The following GPR158 variants were observed in gnomAD, a reference collection of about 807,000 sequenced individuals.
GPR158 encodes metabotropic glycine receptor.
In GPR158, 30 loss-of-function variants were observed where a neutral mutation model predicts 78.2. That is an observed-to-expected ratio of 0.38 (90% CI 0.29 to 0.52). The LOEUF is 0.52. GPR158 is among the 20% of genes least tolerant of loss of function. GPR158 has a pLI of 0.83. For missense variants in GPR158, 1,463 were observed against 1,523.5 expected, an observed-to-expected ratio of 0.96 and a Z score of 0.66; for synonymous variants, 581 against 591.1, an observed-to-expected ratio of 0.98 and a Z score of 0.25.
intron 2 of GPR158, among the ~76,000 whole-genome samples, chr10:25,307,013 A>G (rs757586312): frequency 1.3e-4 from 17 of 129,528 alleles, no homozygotes; most frequent in Non-Finnish European, 2.6e-4. Context: ...GCACACACAC[A>G]TACAGAGAGA....
rs1837437613 is a variant in GPR158, at chr10:25,598,201, CA to C, written c.2580del (p.Lys860AsnfsTer2). ...LESLSGKKLT[Q>X]KLKEDSEAES... Reference sequence around the variant, plus strand: ...ATCCCTGTCGGGTAAAAAACTAACACAAAAACTAAAAGAAGACAGCGAGGCT... The same window carrying C: ...ATCCCTGTCGGGTAAAAAACTAACACAAAACTAAAAGAAGACAGCGAGGCT... On this transcript the variant is annotated frameshift_variant, in exon 11 of 11. Coordinates refer to ENST00000376351, the MANE Select transcript of GPR158 (RefSeq NM_020752.3). LOFTEE classifies it low-confidence loss of function (END_TRUNC). The C allele has an allele frequency of 6.2e-7, 1 of 1,614,006 alleles. No homozygotes were observed. The highest frequency in any genetic ancestry group is 8.5e-7 in the Non-Finnish European group (1 of 1,180,026).
At position 25,409,383 on chromosome 10, in the gene GPR158, C is replaced by T. The variant is rs12246747; in HGVS notation, c.1112-2867C>T. Among the ~76,000 whole-genome samples the T allele has an allele frequency of 7.9e-3, 1,209 of 152,270 alleles. 16 individuals are homozygous for T. The highest frequency in any genetic ancestry group is 0.028 in the African/African-American group (1,164 of 41,554). On this transcript the variant is annotated intron_variant, in intron 3 of 10. Transcript: ENST00000376351. ...CTGGATTATTTTTCTGCCAAGTGAT[C>T]TGACAAATCATCTTGTATTATATTT...
chr10:25,557,427 T>A (rs992484611), intron 6 of GPR158, among the ~76,000 whole-genome samples: 1 of 152,152 alleles, frequency 6.6e-6, no homozygotes, highest in Non-Finnish European at 1.5e-5. Context: ...CCAGAAACCA[T>A]GAAAACAAGC....
intron 2 of GPR158, among the ~76,000 whole-genome samples, chr10:25,347,221 A>G (rs1260887431): frequency 1.3e-5 from 2 of 151,590 alleles, no homozygotes; most frequent in East Asian, 1.9e-4. Context: ...GCTTCTGGAG[A>G]CCTCCTGTAT....
intron 2 of GPR158, among the ~76,000 whole-genome samples, chr10:25,383,825 G>A (rs2130568886): frequency 6.6e-6 from 1 of 152,284 alleles, no homozygotes. Flanking sequence ...CCTCATTTAT[G>A]GAATACTTCT....
intron 5 of GPR158, among the ~76,000 whole-genome samples, chr10:25,530,602 A>G (rs1353342493): frequency 3.3e-5 from 5 of 152,226 alleles, no homozygotes; most frequent in Non-Finnish European, 7.3e-5. Context: ...GACATGTAAA[A>G]CAAACAAAGC....
rs1041634900 is a variant in GPR158 at position 25,224,493 on chromosome 10, A to T, written c.1008+3336A>T. On this transcript the variant is annotated intron_variant, in intron 2 of 10. Transcript: ENST00000376351. ...ATGAAATAATATTTTAATATAAATT[A>T]TATTACTTTGTTAAAAGAATTATAT... 2.0e-5 allele frequency among the ~76,000 whole-genome samples: 3 copies of T among 151,568 alleles called. 1 individual carries two copies. Among genetic ancestry groups the T allele is most frequent in the African/African-American group, 7.3e-5 (3 of 41,372 alleles).
At chr10:25,463,190 C>A (rs1365743858) in intron 4 of GPR158, among the ~76,000 whole-genome samples, 2 of 152,206 alleles carry the variant, frequency 1.3e-5, no homozygotes, top group African/African-American at 4.8e-5. Flanking sequence ...TGATTATTAG[C>A]ATTTTTTAGC....
At chr10:25,200,461 G>C (rs1852906872) in intron 1 of GPR158, among the ~76,000 whole-genome samples, 1 of 152,022 alleles carries the variant, frequency 6.6e-6, no homozygotes, top group Non-Finnish European at 1.5e-5. Context: ...CCCATTCTGT[G>C]GGGTGTCTGT....
rs112678473 is a variant in GPR158 at position 25,308,930 on chromosome 10, A to G, written c.1009-86981A>G. Among the ~76,000 whole-genome samples the G allele has an allele frequency of 8.4e-3, 1,278 of 152,288 alleles. 13 individuals are homozygous for G. The highest frequency in any genetic ancestry group is 0.014 in the Non-Finnish European group (919 of 68,026). Reference sequence around the variant, plus strand: ...TAATATTCCATTATATGTATATGCCACATTTTTGCTCATTTGTTATCTGTT... The same window carrying G: ...TAATATTCCATTATATGTATATGCCGCATTTTTGCTCATTTGTTATCTGTT... On this transcript the variant is annotated intron_variant, in intron 2 of 10. Transcript: ENST00000376351.
At chr10:25,336,828 A>C (rs1201331658) in intron 2 of GPR158, among the ~76,000 whole-genome samples, 1 of 152,114 alleles carries the variant, frequency 6.6e-6, no homozygotes, top group Non-Finnish European at 1.5e-5. Flanking sequence ...GCAATTAATT[A>C]ACCAACCTTG....
chr10:25,521,671 G>T (rs1836277053), intron 5 of GPR158, among the ~76,000 whole-genome samples: 1 of 152,172 alleles, frequency 6.6e-6, no homozygotes, highest in Non-Finnish European at 1.5e-5. Context: ...TCAGAGGGAA[G>T]ATCTGGGGTG....
intron 1 of GPR158, among the ~76,000 whole-genome samples, chr10:25,185,657 A>G (rs1852673971): frequency 6.6e-6 from 1 of 152,172 alleles, no homozygotes; most frequent in African/African-American, 2.4e-5. Flanking sequence ...CCCCGTCTGT[A>G]CTAAAAATAC....
rs953812280 is a variant in GPR158, at chr10:25,252,101, C to T, written c.1008+30944C>T. Among the ~76,000 whole-genome samples the T allele has an allele frequency of 3.9e-3, 588 of 151,986 alleles. 1 individual carries two copies. The highest frequency in any genetic ancestry group is 6.8e-3 in the Middle Eastern group (2 of 294). ...GCTGACACCCTTTCTTCCAGTTGAT[C>T]GCATCAGCTCCTGAGGCTTCTGCAT... is the stretch of plus-strand genomic sequence containing the variant. On this transcript the variant is annotated intron_variant, in intron 2 of 10. Coordinates refer to ENST00000376351, the MANE Select transcript of GPR158 (RefSeq NM_020752.3).
intron 3 of GPR158, among the ~76,000 whole-genome samples, chr10:25,396,615 A>T (rs1010680172): frequency 6.6e-6 from 1 of 152,148 alleles, no homozygotes; most frequent in African/African-American, 2.4e-5. Flanking sequence ...CCTGGACAAC[A>T]TAGTGAGACC....
chr10:25,398,466 A>G (rs1834397680), intron 3 of GPR158, among the ~76,000 whole-genome samples: 1 of 152,162 alleles, frequency 6.6e-6, no homozygotes, highest in African/African-American at 2.4e-5. Context: ...CTGTGAAGGT[A>G]TTTTGTATCT....
chr10:25,480,195 T>C (rs1001762849), intron 5 of GPR158, among the ~76,000 whole-genome samples: 1 of 152,200 alleles, frequency 6.6e-6, no homozygotes, highest in Admixed American at 6.5e-5. Flanking sequence ...AATCTTTATC[T>C]GTTTTATTTG....
intron 5 of GPR158, 149 bp downstream of exon 5, chr10:25,466,868 AAGAC>A: frequency 2.1e-6 from 1 of 465,538 alleles, no homozygotes; most frequent in Non-Finnish European, 3.8e-6. Flanking sequence ...ACTTGAAAGA[AAGAC>A]TTTGGCCAAG....
intron 9 of GPR158, among the ~76,000 whole-genome samples, chr10:25,594,914 C>T (rs910098737): frequency 2.0e-5 from 3 of 152,084 alleles, no homozygotes; most frequent in Non-Finnish European, 2.9e-5. Context: ...ATTCTAGACT[C>T]GTGGACCTTC....
Sources: allele counts gnomAD v4.1 joint callset (sites outside exome capture counted in the v4.1 genomes callset), GRCh38; gene constraint gnomAD v4.1.1; transcripts MANE v1.5; gene names NCBI Gene and HGNC (gene_info 2026-07-23, HGNC 2026-07-21).